The following ADAMTS2 variants were observed in gnomAD, a reference collection of about 807,000 sequenced individuals.
ADAMTS2 encodes the protein A disintegrin and metalloproteinase with thrombospondin motifs 2.
A neutral mutation model predicts 123.0 loss-of-function variants in ADAMTS2; 50 were observed. The ratio of observed to expected loss-of-function variants is 0.41; its 90% CI spans 0.32 to 0.51. The LOEUF (loss-of-function observed/expected upper bound fraction) is 0.51. Ranked by LOEUF, ADAMTS2 falls within the 20% of genes least tolerant of loss-of-function variation. The pLI is 0.35. For synonymous variants in ADAMTS2, 678 were observed against 695.4 expected (o/e 0.98, Z 0.39); for missense variants, 1,494 against 1,705.2 (o/e 0.88, Z 2.18).
In ADAMTS2 at chr5:179,272,315, A is replaced by G. The variant is rs1018441663; in HGVS notation, c.688+596T>C. ...TCTGAGTTGAAAAAGACAGACGCCC[A>G]TGAGTCTGTGCAGAGACTGCTGAGG... On this transcript the variant is annotated intron_variant, in intron 3 of 21. Transcript: ENST00000251582. The surrounding 1 kb of genome is among the most constrained non-coding windows in gnomAD (Gnocchi z 5.8). Among the ~76,000 whole-genome samples, 1 of 152,184 alleles carries G rather than the reference A, an allele frequency of 6.6e-6. No homozygotes were observed. The highest frequency in any genetic ancestry group is 1.5e-5 in the Non-Finnish European group (1 of 68,018).
chr5:179,304,645 T>C (rs1314323615), intron 2 of ADAMTS2, among the ~76,000 whole-genome samples: 1 of 152,090 alleles, frequency 6.6e-6, no homozygotes, highest in Non-Finnish European at 1.5e-5. Flanking sequence ...GCAATAGAAG[T>C]TACCCAATTC....
chr5:179,253,512 G>A (rs1372546363), intron 3 of ADAMTS2, among the ~76,000 whole-genome samples: 1 of 152,028 alleles, frequency 6.6e-6, no homozygotes, highest in Non-Finnish European at 1.5e-5. Context: ...GGGGTGTGGT[G>A]GCACATGCCT....
At chr5:179,206,473 G>A (rs938586688) in intron 4 of ADAMTS2, among the ~76,000 whole-genome samples, 61 of 152,132 alleles carry the variant, frequency 4.0e-4, no homozygotes, top group Non-Finnish European at 7.6e-4. Flanking sequence ...GTGTGGACAC[G>A]CAGCACGGGG....
At chr5:179,281,008 C>T (rs1012524558) in intron 2 of ADAMTS2, among the ~76,000 whole-genome samples, 1 of 152,166 alleles carries the variant, frequency 6.6e-6, no homozygotes, top group Non-Finnish European at 1.5e-5. Context: ...CTGGTACACA[C>T]CACCACATCC....
In ADAMTS2 at chr5:179,208,282, C is replaced by T. The variant is rs143474522; in HGVS notation, c.689-567G>A. ...TGGGGAAACCGAGGCCCATCCTGGG[C>T]TGTGCATGTTCCCCAGTGTCTCCTT... On this transcript the variant is annotated intron_variant, in intron 3 of 21. Transcript: ENST00000251582. 2.9e-3 allele frequency among the ~76,000 whole-genome samples: 436 copies of T among 151,910 alleles called. 5 individuals are homozygous for T. The highest frequency in any genetic ancestry group is 0.01 in the African/African-American group (426 of 41,502).
rs1159598316 is a variant in ADAMTS2, at chr5:179,118,348, C to T, written c.3178+3313G>A. On this transcript the variant is annotated intron_variant, in intron 21 of 21. Transcript: ENST00000251582. The surrounding 1 kb of genome is among the most constrained non-coding windows in gnomAD (Gnocchi z 4.5). The stretch of plus-strand genomic sequence containing the variant: ...GTGATGCACCTGAGGTAATGACTGG[C>T]GATGCCTCTCCGCCAAGATGAACAC... 1.3e-5 allele frequency among the ~76,000 whole-genome samples: 2 copies of T among 152,030 alleles called. No individual in the cohort carries two copies. Among genetic ancestry groups the T allele is most frequent in the East Asian group, 1.9e-4 (1 of 5,144 alleles).
At chr5:179,226,566 C>T (rs1008447972) in intron 3 of ADAMTS2, among the ~76,000 whole-genome samples, 8 of 152,000 alleles carry the variant, frequency 5.3e-5, no homozygotes, top group African/African-American at 1.7e-4. Context: ...TATGAGCCAC[C>T]GAGCAGCTTT....
intron 2 of ADAMTS2, among the ~76,000 whole-genome samples, chr5:179,280,043 G>A (rs1481749729): frequency 6.6e-6 from 1 of 152,214 alleles, no homozygotes; most frequent in Non-Finnish European, 1.5e-5. Context: ...TATGGCTGGA[G>A]CTGGGCCTTC....
At chr5:179,344,303 T>G in intron 1 of ADAMTS2, 142 bp from the exon 2 acceptor site, 1 of 1,132,426 alleles carries the variant, frequency 8.8e-7, no homozygotes, top group Non-Finnish European at 1.2e-6. Flanking sequence ...GAAGCCAGCC[T>G]GCACCTCCCC....
chr5:179,302,751 G>C (rs562673303), intron 2 of ADAMTS2, among the ~76,000 whole-genome samples: 20 of 152,218 alleles, frequency 1.3e-4, no homozygotes, highest in African/African-American at 4.8e-4. Context: ...TCCTGGAAGA[G>C]ATGACACTGG....
rs1765027081 is a variant in ADAMTS2 at position 179,217,827 on chromosome 5, CCTGAGGGCAGACAGGCACACTCACTAGG to C, written c.689-10140_689-10113del. Among the ~76,000 whole-genome samples, 6 of 97,570 alleles carry C rather than the reference CCTGAGGGCAGACAGGCACACTCACTAGG, an allele frequency of 6.1e-5. 1 individual carries two copies. The highest frequency in any genetic ancestry group is 2.4e-4 in the African/African-American group (6 of 25,522). 64.0% of individuals were successfully genotyped at this position (97,570 alleles called of 152,430 possible). ...GATGGGCACACTCACTAGGGGATGG[CCTGAGGGCAGACAGGCACACTCACTAGG>C]TAGGGGATGGCCTGAGGGCAGACGG... is the stretch of plus-strand genomic sequence containing the variant. On this transcript the variant is annotated intron_variant, in intron 3 of 21. Coordinates refer to ENST00000251582, the MANE Select transcript of ADAMTS2 (RefSeq NM_014244.5).
intron 10 of ADAMTS2, among the ~76,000 whole-genome samples, chr5:179,148,946 G>T (rs540796585): frequency 1.1e-5 from 1 of 91,302 alleles, no homozygotes; most frequent in Non-Finnish European, 2.2e-5. Context: ...GCCCCTGGGG[G>T]GTCCTAGCCA....
Position 179,130,168 on chromosome 5 carries a change from C to T in ADAMTS2, c.2291-70G>A. On this transcript the variant is annotated intron_variant, in intron 15 of 21. Transcript: ENST00000251582. The surrounding 1 kb of genome is among the most constrained non-coding windows in gnomAD (Gnocchi z 4.3). ...CAGGACCCAGGCCCACTGGTTTGGGCTGGTCGGGGAGTGGGGGCAGCTAGC... is the reference window on the plus strand; with the variant it reads ...CAGGACCCAGGCCCACTGGTTTGGGTTGGTCGGGGAGTGGGGGCAGCTAGC... 1.2e-6 allele frequency: 2 copies of T among 1,600,178 alleles called. No individual in the cohort carries two copies. The highest frequency in any genetic ancestry group is 2.7e-5 in the African/African-American group (2 of 74,834).
At position 179,308,110 on chromosome 5, in the gene ADAMTS2, G is replaced by A. The variant is rs1333191849; in HGVS notation, c.535-35046C>T. 6.6e-6 allele frequency among the ~76,000 whole-genome samples: 1 copy of A among 152,228 alleles called. No individual in the cohort carries two copies. Among genetic ancestry groups the A allele is most frequent in the Non-Finnish European group, 1.5e-5 (1 of 68,042 alleles). ...CTTGCCAAGGTCCCTGTGGTGCAGA[G>A]TGGGCCAAGTTTGCCGCCTTCTGGA... On this transcript the variant is annotated intron_variant, in intron 2 of 21. Transcript: ENST00000251582. This position sits in a 1 kb window ranked among gnomAD's most constrained non-coding sequence, Gnocchi z 6.6.
At chr5:179,310,153 C>T (rs1048756109) in intron 2 of ADAMTS2, among the ~76,000 whole-genome samples, 1 of 152,252 alleles carries the variant, frequency 6.6e-6, no homozygotes, top group Non-Finnish European at 1.5e-5. Flanking sequence ...GCTCCCTGCA[C>T]GTCCCATGTC....
At chr5:179,287,743 C>T (rs1756062257) in intron 2 of ADAMTS2, among the ~76,000 whole-genome samples, 1 of 152,248 alleles carries the variant, frequency 6.6e-6, no homozygotes, top group Admixed American at 6.5e-5. Flanking sequence ...GGGTGCTCCT[C>T]CAGGAGGGGC....
intron 3 of ADAMTS2, among the ~76,000 whole-genome samples, chr5:179,222,347 T>C (rs1765145511): frequency 6.6e-6 from 1 of 152,032 alleles, no homozygotes; most frequent in African/African-American, 2.4e-5. Flanking sequence ...GAGTGCTGAG[T>C]CCTGAAAATT....
intron 3 of ADAMTS2, among the ~76,000 whole-genome samples, chr5:179,271,822 G>A (rs113100444): frequency 1.3e-3 from 203 of 152,380 alleles, no homozygotes; most frequent in African/African-American, 4.7e-3. Context: ...CAATTTTTCT[G>A]TCAAGCTAGG....
At chr5:179,229,277 CTCCCGACGGAGAGGTAAT>C (rs1244320053) in intron 3 of ADAMTS2, among the ~76,000 whole-genome samples, 26 of 151,302 alleles carry the variant, frequency 1.7e-4, no homozygotes, top group African/African-American at 5.8e-4. Flanking sequence ...CCGCTGCCCA[CTCCCGACGGAGAGGTAAT>C]TCCACAAACA....
Sources: allele counts gnomAD v4.1 joint callset (sites outside exome capture counted in the v4.1 genomes callset), GRCh38; gene constraint gnomAD v4.1.1; non-coding constraint Gnocchi (gnomAD v3.1); transcripts MANE v1.5; gene names NCBI Gene and HGNC (gene_info 2026-07-23, HGNC 2026-07-21).